PRELID2: variants seen among roughly 807,000 people sequenced by gnomAD.
PRELID2 encodes the protein PRELI domain containing 2.
In PRELID2, 25 loss-of-function variants were observed where a neutral mutation model predicts 28.4. The observed-to-expected ratio is 0.88, with a 90% CI of 0.64 to 1.23. The LOEUF is 1.23. PRELID2 is among the 50% of genes most tolerant of loss of function. The pLI, the probability that PRELID2 is intolerant of heterozygous loss-of-function variation, is 0.00. For synonymous variants in PRELID2, 76 were observed against 71.6 expected, an observed-to-expected ratio of 1.06 and a Z score of -0.31; for missense variants, 201 against 214.4, an observed-to-expected ratio of 0.94 and a Z score of 0.39.
At chr5:145,672,579 T>C (rs960911879) in intron 1 of PRELID2, among the ~76,000 whole-genome samples, 1 of 151,566 alleles carries the variant, frequency 6.6e-6, no homozygotes, top group Non-Finnish European at 1.5e-5. Context: ...CTCTCTCATC[T>C]CTTCATCATG....
At chr5:145,322,069 T>C in the PRELID2 span, among the ~76,000 whole-genome samples, 1 of 152,214 alleles carries the variant, frequency 6.6e-6, no homozygotes, top group Non-Finnish European at 1.5e-5. Flanking sequence ...GCATGCTCTT[T>C]TTCACTCCAA....
In PRELID2 at chr5:145,578,090, A is replaced by G. The variant is rs538759016; in HGVS notation, n.71-104775T>C. ...TTTGGCATAATACATGCCAGTTGCT[A>G]CATCAGCTTAGCTGATATCTGGACA... On this transcript the variant is annotated intron_variant and non_coding_transcript_variant, in intron 1 of 2. Coordinates refer to the PRELID2 transcript ENST00000510259. 2.0e-5 allele frequency among the ~76,000 whole-genome samples: 3 copies of G among 152,280 alleles called. No homozygotes were observed. In the South Asian group the frequency reaches 6.2e-4, roughly 32 times the overall value.
At chr5:145,444,450 C>A in the PRELID2 span, among the ~76,000 whole-genome samples, 1 of 151,976 alleles carries the variant, frequency 6.6e-6, no homozygotes, top group Non-Finnish European at 1.5e-5. Context: ...TATAAGTGGG[C>A]TCTTTTTTTG....
rs12522858 is a variant in PRELID2 at position 145,759,020 on chromosome 5, T to G, written c.*1516A>C. 8.1e-6 allele frequency: 1 copy of G among 123,224 alleles called. No homozygotes were observed. Among genetic ancestry groups the G allele is most frequent in the Non-Finnish European group, 1.7e-5 (1 of 57,286 alleles). 7.6% of individuals were successfully genotyped at this position (123,224 alleles called of 1,614,324 possible). A position where few individuals can be genotyped will look rare whatever the true frequency, so the allele number is the denominator to read the frequency against. ...TTTTTTTTTTTTTTTTTTTTTTTTG[T>G]GATGGAGTCTTGCTCTGTCACCCAG... is the stretch of plus-strand genomic sequence containing the variant. On this transcript the variant is annotated 3_prime_UTR_variant, in exon 7 of 7. Coordinates refer to ENST00000683046, the MANE Select transcript of PRELID2 (RefSeq NM_205846.3).
rs145538986 is a variant in PRELID2, at chr5:145,760,735, T to C, written c.*11-210A>G. On this transcript the variant is annotated intron_variant, in intron 6 of 6. Coordinates refer to ENST00000683046, the MANE Select transcript of PRELID2 (RefSeq NM_205846.3). ...AGTCCAACTACCCAAAGGAGCTGGT[T>C]CAGAGAAGAGTTAAGATATAGCTAA... Among the ~76,000 whole-genome samples, 407 of 152,332 alleles carry C rather than the reference T, an allele frequency of 2.7e-3. 2 individuals are homozygous for C. The highest frequency in any genetic ancestry group is 9.0e-3 in the African/African-American group (374 of 41,580).
intron 1 of PRELID2, among the ~76,000 whole-genome samples, chr5:145,573,014 C>T (rs1753028073): frequency 6.6e-6 from 1 of 152,058 alleles, no homozygotes; most frequent in Admixed American, 6.6e-5. Flanking sequence ...TATACATAGC[C>T]CAACAAGCTA....
At chr5:145,287,314 A>G in the PRELID2 span, among the ~76,000 whole-genome samples, 12 of 152,178 alleles carry the variant, frequency 7.9e-5, no homozygotes, top group South Asian at 2.1e-4. Flanking sequence ...GATAATTATA[A>G]CAATATACTG....
chr5:145,521,357 T>A (rs1419977907), intron 1 of PRELID2, among the ~76,000 whole-genome samples: 1 of 152,152 alleles, frequency 6.6e-6, no homozygotes, highest in African/African-American at 2.4e-5. Flanking sequence ...TGGGGCAGCA[T>A]GCTCAAATTC....
At chr5:145,504,762 T>A (rs1752391363) in intron 1 of PRELID2, among the ~76,000 whole-genome samples, 1 of 152,186 alleles carries the variant, frequency 6.6e-6, no homozygotes, top group South Asian at 2.1e-4. Context: ...TCATGCATAC[T>A]TCATTCTACC....
At chr5:145,431,017 T>TTTG in the PRELID2 span, among the ~76,000 whole-genome samples, 1 of 145,648 alleles carries the variant, frequency 6.9e-6, no homozygotes, top group African/African-American at 2.6e-5. Context: ...TTTTTTTTTT[T>TTTG]TTTTTTTTTT....
chr5:145,759,565 A>G lies in PRELID2; in HGVS notation c.*971T>C, dbSNP rs1452155280. The G allele has an allele frequency of 2.0e-5, 3 of 152,378 alleles. No individual in the cohort carries two copies. The highest frequency in any genetic ancestry group is 7.2e-5 in the African/African-American group (3 of 41,598). The allele number at this position is 152,378 out of a possible 1,614,324, so 9.4% of individuals were successfully genotyped here. On this transcript the variant is annotated 3_prime_UTR_variant, in exon 7 of 7. Transcript: ENST00000683046. ...CATAGGCATGATCTCAAATCAGTCC[A>G]ACAATCTCACAAAATTAATTCTATC...
At position 145,744,397 on chromosome 5, in the gene PRELID2, G is replaced by T. The variant is rs373558257; in HGVS notation, n.70+20534C>A. 6.6e-5 allele frequency among the ~76,000 whole-genome samples: 10 copies of T among 152,286 alleles called. No homozygotes were observed. In the East Asian group the frequency reaches 1.2e-3, roughly 18 times the overall value. ...TCCCGTTCCCTGTGCCACTCAACTG[G>T]GTGAGACCCTCCAACAGGGGTTGTG... On this transcript the variant is annotated intron_variant and non_coding_transcript_variant, in intron 1 of 2. Transcript: ENST00000510259.
rs1191941909 is a variant in PRELID2, at chr5:145,758,738, G to A, written c.*1798C>T. ...TGCCATCTACAAATTGGAAAAAAAA[G>A]GTCAAAGTGTGTTTTAGTTTCTACC... is the stretch of plus-strand genomic sequence containing the variant. On this transcript the variant is annotated 3_prime_UTR_variant, in exon 7 of 7. Coordinates refer to ENST00000683046, the MANE Select transcript of PRELID2 (RefSeq NM_205846.3). 6.6e-6 allele frequency among the ~76,000 whole-genome samples: 1 copy of A among 152,048 alleles called. No homozygotes were observed. Among genetic ancestry groups the A allele is most frequent in the Non-Finnish European group, 1.5e-5 (1 of 68,012 alleles).
At chr5:145,352,369 G>C in the PRELID2 span, among the ~76,000 whole-genome samples, 9 of 152,150 alleles carry the variant, frequency 5.9e-5, no homozygotes, top group Non-Finnish European at 1.0e-4. Flanking sequence ...AGCCACAAAG[G>C]CTTGGGGCTT....
intron 1 of PRELID2, among the ~76,000 whole-genome samples, chr5:145,568,299 G>A (rs55941363): frequency 0.041 from 6,207 of 152,134 alleles, 393 homozygotes; most frequent in African/African-American, 0.14. Flanking sequence ...AATCTCCCCC[G>A]GCAGATGTTA....
chr5:145,530,309 G>A (rs865933477), intron 1 of PRELID2, among the ~76,000 whole-genome samples: 15 of 152,036 alleles, frequency 9.9e-5, no homozygotes, highest in South Asian at 4.1e-4. Context: ...TACAACTTTT[G>A]ACCTTATGAT....
chr5:145,591,329 T>C (rs1222506973), intron 1 of PRELID2, among the ~76,000 whole-genome samples: 1 of 152,134 alleles, frequency 6.6e-6, no homozygotes, highest in Non-Finnish European at 1.5e-5. Context: ...CCACATTGAT[T>C]TGGCCATAAC....
At chr5:145,453,140 C>T in the PRELID2 span, among the ~76,000 whole-genome samples, 1 of 152,152 alleles carries the variant, frequency 6.6e-6, no homozygotes, top group African/African-American at 2.4e-5. Context: ...GACTTATTTA[C>T]TTCCCAAGCA....
the PRELID2 span, among the ~76,000 whole-genome samples, chr5:145,441,454 TTATC>T: frequency 1.3e-5 from 2 of 152,112 alleles, no homozygotes; most frequent in Non-Finnish European, 2.9e-5. Flanking sequence ...CACTCCTCTC[TTATC>T]TATTTTCCAC....
Sources: allele counts gnomAD v4.1 joint callset (sites outside exome capture counted in the v4.1 genomes callset), GRCh38; gene constraint gnomAD v4.1.1; transcripts MANE v1.5; gene names NCBI Gene and HGNC (gene_info 2026-07-23, HGNC 2026-07-21).